The following CAPN8 variants were observed in gnomAD, a reference collection of about 807,000 sequenced individuals.
The protein encoded by CAPN8 is calpain-8.
A neutral mutation model predicts 80.9 loss-of-function variants in CAPN8; 87 were observed. The ratio of observed to expected loss-of-function variants is 1.07; its 90% CI spans 0.90 to 1.28. The LOEUF (loss-of-function observed/expected upper bound fraction) is 1.28, where lower values mean the gene tolerates loss of function less well. Among genes scored for constraint, CAPN8 ranks in the 50% most tolerant of loss-of-function variants. The pLI is 0.00. For missense variants in CAPN8, 757 were observed against 702.0 expected (o/e 1.08, Z -0.89); for synonymous variants, 299 against 273.8 (o/e 1.09, Z -0.91).
chr1:223,546,784 C>T (rs1256911858), intron 16 of CAPN8, among the ~76,000 whole-genome samples: 1 of 152,156 alleles, frequency 6.6e-6, no homozygotes, highest in Non-Finnish European at 1.5e-5. Context: ...AAACCTTTGT[C>T]CCAGAACACC....
At chr1:223,632,600 C>T (rs969908015) in intron 2 of CAPN8, among the ~76,000 whole-genome samples, 1 of 151,998 alleles carries the variant, frequency 6.6e-6, no homozygotes, top group Non-Finnish European at 1.5e-5. Flanking sequence ...GAACTCCTGG[C>T]CTCAAGCAAT....
intron 4 of CAPN8, 100 bp from the exon 5 acceptor site, chr1:223,627,257 G>A (rs1416509794): frequency 7.6e-7 from 1 of 1,317,236 alleles, no homozygotes; most frequent in Non-Finnish European, 1.0e-6. Flanking sequence ...TGGCCTGGAA[G>A]ATAAAGGAAG....
intron 2 of CAPN8, among the ~76,000 whole-genome samples, chr1:223,639,980 C>T (rs1162961734): frequency 6.6e-6 from 1 of 152,180 alleles, no homozygotes; most frequent in Admixed American, 6.5e-5. Context: ...ATTTGAAATA[C>T]ATGCCTTAGA....
In CAPN8 at chr1:223,665,687, A is replaced by G; in HGVS notation, c.-41T>C. 4 of 1,487,218 alleles carry G rather than the reference A, an allele frequency of 2.7e-6. No homozygotes were observed. The South Asian group carries it at 3.6e-5, about 14-fold the overall frequency. The allele number at this position is 1,487,218 out of a possible 1,614,324, so 92.1% of individuals were successfully genotyped here. ...AGGGTGGACAGAAGGGCAGGGCTGCACTGTACTCTCAGACACCTGCTCCAC... is the reference window on the plus strand; with the variant it reads ...AGGGTGGACAGAAGGGCAGGGCTGCGCTGTACTCTCAGACACCTGCTCCAC... On this transcript the variant is annotated 5_prime_UTR_variant, in exon 1 of 21. Transcript: ENST00000366872.
Position 223,620,237 on chromosome 1 carries a change from C to G in CAPN8, c.929G>C (p.Arg310Pro), listed in dbSNP as rs751981860. 6.4e-7 allele frequency: 1 copy of G among 1,551,604 alleles called. No individual in the cohort carries two copies. The highest frequency in any genetic ancestry group is 8.7e-7 in the Non-Finnish European group (1 of 1,146,972). The change falls in exon 8 of 21, where the codon CGG (arginine) becomes CCG (proline). Residue 310 changes from arginine to proline, a missense_variant. Coordinates refer to ENST00000366872, the MANE Select transcript of CAPN8 (RefSeq NM_001143962.2). Reference protein sequence around the residue: ...DAPEWNHIDPRRKEELDKKVE... With the variant: ...DAPEWNHIDPPRKEELDKKVE... ...TTTCTTGTCCAGTTCTTCCTTCCGC[C>G]GGGGGTCTATGTGATTCCACTCTGG...
chr1:223,556,149 C>G (rs1172714981), intron 13 of CAPN8, among the ~76,000 whole-genome samples: 1 of 152,206 alleles, frequency 6.6e-6, no homozygotes, highest in East Asian at 1.9e-4. Context: ...TTCCTTCCCT[C>G]ATTCAGAGCA....
chr1:223,545,821 CTTTTTTTTTTT>C (rs141485616), intron 16 of CAPN8, among the ~76,000 whole-genome samples: 2 of 98,598 alleles, frequency 2.0e-5, no homozygotes, highest in African/African-American at 4.3e-5. Flanking sequence ...CACTCCACAA[CTTTTTTTTTTT>C]TTTTTTTTTT....
At chr1:223,618,728 C>A (rs1353742913) in intron 9 of CAPN8, among the ~76,000 whole-genome samples, 1 of 152,204 alleles carries the variant, frequency 6.6e-6, no homozygotes, top group East Asian at 1.9e-4. Flanking sequence ...GCGGGCAGGG[C>A]AGGTGGGTGA....
Position 223,665,688 on chromosome 1 carries a change from C to G in CAPN8, c.-42G>C, listed in dbSNP as rs752689121. On this transcript the variant is annotated 5_prime_UTR_variant, in exon 1 of 21. Coordinates refer to ENST00000366872, the MANE Select transcript of CAPN8 (RefSeq NM_001143962.2). ...GGGTGGACAGAAGGGCAGGGCTGCACTGTACTCTCAGACACCTGCTCCACT... is the reference window on the plus strand; with the variant it reads ...GGGTGGACAGAAGGGCAGGGCTGCAGTGTACTCTCAGACACCTGCTCCACT... 6.7e-7 allele frequency: 1 copy of G among 1,483,418 alleles called. No homozygotes were observed. Among genetic ancestry groups the G allele is most frequent in the East Asian group, 2.5e-5 (1 of 40,432 alleles). The allele number at this position is 1,483,418 out of a possible 1,614,324, so 91.9% of individuals were successfully genotyped here. A position where few individuals can be genotyped will look rare whatever the true frequency, so the allele number is the denominator to read the frequency against.
At chr1:223,633,175 TCTAA>T (rs2102719035) in intron 2 of CAPN8, among the ~76,000 whole-genome samples, 1 of 152,298 alleles carries the variant, frequency 6.6e-6, no homozygotes, top group African/African-American at 2.4e-5. Flanking sequence ...CCAAGGTTTT[TCTAA>T]CTGATATTAG....
At chr1:223,658,135 C>T (rs2102738977) in intron 1 of CAPN8, among the ~76,000 whole-genome samples, 1 of 152,332 alleles carries the variant, frequency 6.6e-6, no homozygotes, top group Non-Finnish European at 1.5e-5. Flanking sequence ...TCAGTGACAT[C>T]ATTCGACCTC....
chr1:223,626,952 G>A (rs764854811), intron 5 of CAPN8, 37 bp downstream of exon 5: 1 of 1,540,926 alleles, frequency 6.5e-7, no homozygotes, highest in East Asian at 2.5e-5. Flanking sequence ...GGTGGCGGTG[G>A]GGGGAGGTGG....
intron 16 of CAPN8, among the ~76,000 whole-genome samples, chr1:223,548,176 G>A (rs1358004279): frequency 6.6e-6 from 1 of 152,154 alleles, no homozygotes; most frequent in Non-Finnish European, 1.5e-5. Flanking sequence ...AACAGACAGA[G>A]CTCATCATGG....
intron 1 of CAPN8, among the ~76,000 whole-genome samples, chr1:223,663,088 C>T (rs987639155): frequency 1.3e-5 from 2 of 152,188 alleles, no homozygotes; most frequent in African/African-American, 4.8e-5. Flanking sequence ...TCAATTGCAC[C>T]TTCCGCATTA....
At chr1:223,545,933 C>G (rs1324699571) in intron 16 of CAPN8, among the ~76,000 whole-genome samples, 1 of 147,586 alleles carries the variant, frequency 6.8e-6, no homozygotes, top group Non-Finnish European at 1.5e-5. Flanking sequence ...AAGCAATTCT[C>G]CATGTCAGTC....
chr1:223,550,937 A>G, intron 15 of CAPN8, 23 bp downstream of exon 15: 1 of 717,296 alleles, frequency 1.4e-6, no homozygotes, highest in Non-Finnish European at 2.6e-6. Flanking sequence ...GGACTTTCTG[A>G]AAGACCCCAA....
chr1:223,653,274 T>C (rs1658389472), intron 2 of CAPN8, among the ~76,000 whole-genome samples: 1 of 151,646 alleles, frequency 6.6e-6, no homozygotes, highest in South Asian at 2.1e-4. Flanking sequence ...TGCTTGATCG[T>C]CACGCTCTGT....
At chr1:223,631,834 G>C (rs1157025896) in intron 2 of CAPN8, among the ~76,000 whole-genome samples, 36 of 152,152 alleles carry the variant, frequency 2.4e-4, no homozygotes, top group Non-Finnish European at 1.5e-5. Context: ...GGAGTGAAGG[G>C]GGAGACTGCT....
intron 17 of CAPN8, 39 bp downstream of exon 17, chr1:223,545,192 G>A: frequency 6.4e-7 from 1 of 1,551,658 alleles, no homozygotes; most frequent in Non-Finnish European, 8.7e-7. Flanking sequence ...GGGAGGATTA[G>A]AACAGAGGAG....
Sources: allele counts gnomAD v4.1 joint callset (sites outside exome capture counted in the v4.1 genomes callset), GRCh38; gene constraint gnomAD v4.1.1; transcripts MANE v1.5; gene names NCBI Gene and HGNC (gene_info 2026-07-23, HGNC 2026-07-21).